Variants in CCDC171 observed in about 807,000 individuals in gnomAD.
CCDC171 encodes coiled-coil domain containing 171.
Under a neutral mutation model 168.2 loss-of-function variants are expected in CCDC171, and 177 were observed. That is an observed-to-expected ratio of 1.05 (90% CI 0.93 to 1.19). The LOEUF is 1.19. Ranked by LOEUF, CCDC171 falls within the 50% of genes most tolerant of loss-of-function variation. The pLI, the probability that CCDC171 is intolerant of heterozygous loss-of-function variation, is 0.00. For missense variants in CCDC171, 1,991 were observed against 1,539.0 expected (o/e 1.29, Z -4.91); for synonymous variants, 687 against 540.8 (o/e 1.27, Z -3.75).
chr9:15,733,142 C>T (rs1432706898), intron 16 of CCDC171, among the ~76,000 whole-genome samples: 1 of 151,952 alleles, frequency 6.6e-6, no homozygotes, highest in East Asian at 1.9e-4. Flanking sequence ...AGATATTTTG[C>T]TCAGTTTTTA....
chr9:15,613,323 A>C (rs993199300), intron 6 of CCDC171, among the ~76,000 whole-genome samples: 9 of 152,160 alleles, frequency 5.9e-5, no homozygotes, highest in Non-Finnish European at 1.2e-4. Context: ...AATGACGTAG[A>C]ATGAAACCAG....
chr9:15,874,426 T>G, intron 23 of CCDC171, 106 bp from the exon 24 acceptor site: 1 of 852,434 alleles, frequency 1.2e-6, no homozygotes. Context: ...GGATTTCAGG[T>G]CCAGCGATCA....
intron 24 of CCDC171, among the ~76,000 whole-genome samples, chr9:15,910,997 A>T (rs1029644440): frequency 1.6e-4 from 24 of 152,228 alleles, no homozygotes; most frequent in Non-Finnish European, 8.8e-5. Context: ...ACAGTGCTGC[A>T]GTAAACATAT....
At chr9:16,008,923 A>G (rs1832782544) in intron 3 of CCDC171, among the ~76,000 whole-genome samples, 1 of 152,174 alleles carries the variant, frequency 6.6e-6, no homozygotes, top group Non-Finnish European at 1.5e-5. Flanking sequence ...CAGTGTCGGC[A>G]GACCTTTTTT....
At position 15,715,281 on chromosome 9, in the gene CCDC171, C is replaced by T. The variant is rs183478421; in HGVS notation, c.1319-6488C>T. On this transcript the variant is annotated intron_variant, in intron 11 of 25. Transcript: ENST00000380701. ...TCCATATGTTAGAAAAGTTATGAAC[C>T]ATTTTTCCTAAACACTCTAGAATAG... 2.0e-5 allele frequency among the ~76,000 whole-genome samples: 3 copies of T among 152,198 alleles called. No homozygotes were observed. In the East Asian group the frequency reaches 5.8e-4, roughly 29 times the overall value.
chr9:15,755,814 A>G (rs1253533896), intron 18 of CCDC171, among the ~76,000 whole-genome samples: 2 of 152,318 alleles, frequency 1.3e-5, no homozygotes, highest in East Asian at 3.9e-4. Context: ...GAGTATGGGA[A>G]GTGACTGCTA....
At chr9:15,583,293 T>C (rs2041280944) in intron 4 of CCDC171, among the ~76,000 whole-genome samples, 1 of 151,706 alleles carries the variant, frequency 6.6e-6, no homozygotes. Context: ...CGCACGCCTG[T>C]AGTCCCAGCT....
chr9:16,107,998 G>A, the CCDC171 span, among the ~76,000 whole-genome samples: 8 of 152,194 alleles, frequency 5.3e-5, 1 homozygote, highest in African/African-American at 7.2e-5. Context: ...AGAGTACTAC[G>A]CATAATAAAA....
intron 3 of CCDC171, among the ~76,000 whole-genome samples, chr9:15,985,500 G>A (rs2987019): frequency 0.5 from 75,242 of 151,874 alleles, 20,025 homozygotes; most frequent in African/African-American, 0.71. Flanking sequence ...CATTATTTGG[G>A]TTATCTCATA....
intron 25 of CCDC171, among the ~76,000 whole-genome samples, chr9:15,938,238 G>C (rs763476762): frequency 3.3e-5 from 5 of 151,748 alleles, no homozygotes; most frequent in African/African-American, 4.8e-5. Flanking sequence ...ACCATTATCT[G>C]TGTGTCCAAA....
chr9:15,894,832 A>G (rs1052431428), intron 24 of CCDC171, among the ~76,000 whole-genome samples: 1 of 152,138 alleles, frequency 6.6e-6, no homozygotes, highest in Non-Finnish European at 1.5e-5. Flanking sequence ...TGCATATTTT[A>G]TAGCCCTGAC....
intron 7 of CCDC171, among the ~76,000 whole-genome samples, chr9:15,624,901 A>G (rs1395129334): frequency 6.6e-6 from 1 of 152,186 alleles, no homozygotes; most frequent in Non-Finnish European, 1.5e-5. Flanking sequence ...GTCTTCCACC[A>G]TGGTTAAACT....
downstream of CCDC171, among the ~76,000 whole-genome samples, chr9:16,062,291 A>T (rs1334194423): frequency 6.6e-6 from 1 of 152,226 alleles, no homozygotes; most frequent in Non-Finnish European, 1.5e-5. Context: ...TAAATGAATT[A>T]ATGCAGGATC....
intron 4 of CCDC171, among the ~76,000 whole-genome samples, chr9:15,584,264 A>G (rs554393875): frequency 1.4e-4 from 21 of 152,224 alleles, no homozygotes; most frequent in Non-Finnish European, 3.1e-4. Flanking sequence ...TATGTAGAGA[A>G]GAAAAAGTAG....
chr9:15,780,607 T>A (rs1027142421), intron 20 of CCDC171, among the ~76,000 whole-genome samples: 26 of 152,220 alleles, frequency 1.7e-4, no homozygotes, highest in African/African-American at 6.0e-4. Context: ...GAAATGTGGA[T>A]GCATTTTGTT....
intron 23 of CCDC171, among the ~76,000 whole-genome samples, chr9:15,860,511 C>T (rs1031771737): frequency 2.6e-5 from 4 of 151,920 alleles, no homozygotes; most frequent in African/African-American, 9.7e-5. Flanking sequence ...TGATTTCTTT[C>T]TTATGCCGCT....
In CCDC171 at chr9:15,762,845, G is replaced by C. The variant is rs550363369; in HGVS notation, c.2672-14755G>C. Among the ~76,000 whole-genome samples the C allele has an allele frequency of 3.3e-5, 5 of 152,260 alleles. No homozygotes were observed. In the East Asian group the frequency reaches 9.6e-4, roughly 29 times the overall value. On this transcript the variant is annotated intron_variant, in intron 18 of 25. Coordinates refer to ENST00000380701, the MANE Select transcript of CCDC171 (RefSeq NM_173550.4). Reference sequence around the variant, plus strand: ...CACTGGTGTCTTCTCTGTCCCTTTAGTTTTTTCTGTTCAAGAATTTCATAA... The same window carrying C: ...CACTGGTGTCTTCTCTGTCCCTTTACTTTTTTCTGTTCAAGAATTTCATAA...
chr9:15,884,315 C>G (rs1819097934), intron 24 of CCDC171, among the ~76,000 whole-genome samples: 1 of 152,112 alleles, frequency 6.6e-6, no homozygotes, highest in African/African-American at 2.4e-5. Context: ...TTAAATCGCA[C>G]TAATAAATGT....
chr9:16,095,806 G>A, the CCDC171 span, among the ~76,000 whole-genome samples: 2 of 149,438 alleles, frequency 1.3e-5, no homozygotes, highest in Non-Finnish European at 3.0e-5. Context: ...CTATTTCGGT[G>A]TTGGAGTGAG....
Sources: gnomAD v4.1 joint callset for allele counts (sites outside exome capture counted in the v4.1 genomes callset) on GRCh38, gnomAD v4.1.1 for gene constraint, MANE v1.5 for transcripts, NCBI Gene and HGNC (gene_info 2026-07-23, HGNC 2026-07-21) for gene names.